The following PCSK6 variants were observed in gnomAD, a reference collection of about 807,000 sequenced individuals.
The protein encoded by PCSK6 is proprotein convertase subtilisin/kexin type 6, also known as paired basic amino acid cleaving enzyme 4.
Under a neutral mutation model 123.3 loss-of-function variants are expected in PCSK6, and 85 were observed. The ratio of observed to expected loss-of-function variants is 0.69; its 90% confidence interval spans 0.58 to 0.83. The LOEUF is 0.83. Ranked by LOEUF, PCSK6 falls within the 40% of genes least tolerant of loss-of-function variation. The pLI is 0.00. For synonymous variants in PCSK6, 508 were observed against 516.0 expected (o/e 0.98, Z 0.21); for missense variants, 1,191 against 1,282.3 (o/e 0.93, Z 1.09).
At chr15:101,359,010 T>G (rs1406073015) in intron 13 of PCSK6, among the ~76,000 whole-genome samples, 1 of 152,062 alleles carries the variant, frequency 6.6e-6, no homozygotes, top group Non-Finnish European at 1.5e-5. Flanking sequence ...TTGGGGAGGA[T>G]GCACAGAGCC....
intron 18 of PCSK6, among the ~76,000 whole-genome samples, chr15:101,319,917 G>T (rs555991522): frequency 2.0e-5 from 3 of 152,128 alleles, no homozygotes; most frequent in African/African-American, 7.2e-5. Context: ...CCAATTAATC[G>T]AACCCAAGGA....
chr15:101,427,849 G>A, intron 6 of PCSK6, 43 bp downstream of exon 6: 4 of 1,472,072 alleles, frequency 2.7e-6, no homozygotes, highest in African/African-American at 1.4e-5. Flanking sequence ...AGCTGCCCCT[G>A]CCCCAGGCCC....
intron 1 of PCSK6, among the ~76,000 whole-genome samples, chr15:101,482,099 C>T (rs185961211): frequency 2.0e-5 from 3 of 152,378 alleles, no homozygotes; most frequent in East Asian, 1.9e-4. Context: ...TGGCAGAAGC[C>T]GAAAGGCTTT....
At chr15:101,335,494 G>T (rs11630012) in intron 13 of PCSK6, among the ~76,000 whole-genome samples, 22,752 of 152,154 alleles carry the variant, frequency 0.15, 2,040 homozygotes, top group Non-Finnish European at 0.19. Context: ...CCCTCCCCAT[G>T]GGCAATGTTG....
At chr15:101,425,129 G>A (rs1033640388) in intron 6 of PCSK6, among the ~76,000 whole-genome samples, 5 of 152,190 alleles carry the variant, frequency 3.3e-5, no homozygotes, top group Admixed American at 1.3e-4. Context: ...GACTACCCGT[G>A]AGAGTGCTGA....
chr15:101,324,777 C>T, intron 17 of PCSK6, 73 bp downstream of exon 17: 1 of 1,291,128 alleles, frequency 7.7e-7, no homozygotes. Context: ...GAAATTCTCC[C>T]TGGAGAGAGG....
chr15:101,409,616 C>A (rs941692991), intron 6 of PCSK6, among the ~76,000 whole-genome samples: 3 of 150,346 alleles, frequency 2.0e-5, no homozygotes, highest in African/African-American at 7.4e-5. Flanking sequence ...GGAAAGTGTA[C>A]CATAATGCAG....
At position 101,398,446 on chromosome 15, in the gene PCSK6, G is replaced by A. The variant is rs199625817; in HGVS notation, c.954C>T (p.Pro318=). 117 of 1,613,352 alleles carry A rather than the reference G, an allele frequency of 7.3e-5. No individual in the cohort carries two copies. In the East Asian group the frequency reaches 1.0e-3, roughly 14 times the overall value. ...CGAAAGCCTGCTTAGCCAGTCGGCC[G>A]GGCCCGTCCACCGTCTTGCCGTCGT... ...PDDDGKTVDG[P]GRLAKQAFEY... Residue 318 remains proline, a synonymous_variant, in exon 7 of 22, where the codon CCC becomes CCT. Transcript: ENST00000611716. This position sits in a 1 kb window ranked among gnomAD's most constrained non-coding sequence, Gnocchi z 4.6.
chr15:101,322,771 C>T (rs2040157635), intron 17 of PCSK6, among the ~76,000 whole-genome samples, 164 bp from the exon 18 acceptor site: 1 of 152,180 alleles, frequency 6.6e-6, no homozygotes, highest in African/African-American at 2.4e-5. Flanking sequence ...CCGCTTGTAC[C>T]TGGTGTGGGG....
At chr15:101,472,207 G>T (rs1366321670) in intron 1 of PCSK6, among the ~76,000 whole-genome samples, 1 of 152,188 alleles carries the variant, frequency 6.6e-6, no homozygotes, top group Non-Finnish European at 1.5e-5. Flanking sequence ...CCCACGGCCA[G>T]GTGGCCTGGC....
intron 1 of PCSK6, among the ~76,000 whole-genome samples, chr15:101,461,709 T>G (rs1465694010): frequency 1.3e-5 from 2 of 152,178 alleles, no homozygotes; most frequent in Non-Finnish European, 2.9e-5. Flanking sequence ...TCAATAACTG[T>G]AATTTTTACA....
intron 6 of PCSK6, among the ~76,000 whole-genome samples, chr15:101,403,041 A>G (rs2042641468): frequency 6.6e-6 from 1 of 152,130 alleles, no homozygotes. Context: ...ACAATGATAG[A>G]CTGGATTAAG....
At chr15:101,457,020 A>G (rs2057202259) in intron 1 of PCSK6, among the ~76,000 whole-genome samples, 1 of 152,158 alleles carries the variant, frequency 6.6e-6, no homozygotes, top group African/African-American at 2.4e-5. Flanking sequence ...AAAAATATAA[A>G]AAATTAGCTG....
intron 2 of PCSK6, among the ~76,000 whole-genome samples, chr15:101,434,624 G>T (rs996746407): frequency 6.6e-6 from 1 of 152,198 alleles, no homozygotes; most frequent in Non-Finnish European, 1.5e-5. Flanking sequence ...TGTCGTGGTC[G>T]CAGGGGCAGC....
intron 1 of PCSK6, among the ~76,000 whole-genome samples, chr15:101,449,736 G>A (rs973270904): frequency 1.7e-4 from 26 of 152,138 alleles, no homozygotes; most frequent in Admixed American, 1.0e-3. Context: ...AATCCTCTGC[G>A]GGAGAAGCTG....
At position 101,306,346 on chromosome 15, in the gene PCSK6, C is replaced by T. The variant is rs115498737; in HGVS notation, c.2812+867G>A. 9.0e-3 allele frequency among the ~76,000 whole-genome samples: 1,375 copies of T among 152,124 alleles called. 28 individuals are homozygous for T. The highest frequency in any genetic ancestry group is 0.031 in the African/African-American group (1,292 of 41,482). On this transcript the variant is annotated intron_variant, in intron 21 of 21. Transcript: ENST00000611716. Reference sequence around the variant, plus strand: ...AAGGGACATAATTAGACAACCCTCCCGCCACCCCCCAAAAATAATAACCAG... The same window carrying T: ...AAGGGACATAATTAGACAACCCTCCTGCCACCCCCCAAAAATAATAACCAG...
intron 15 of PCSK6, among the ~76,000 whole-genome samples, chr15:101,331,115 A>G (rs1186541367): frequency 6.6e-6 from 1 of 152,232 alleles, no homozygotes; most frequent in East Asian, 1.9e-4. Flanking sequence ...CTAACAAACG[A>G]ATAAAAGCCA....
In PCSK6 at chr15:101,340,054, T is replaced by C. The variant is rs566751389; in HGVS notation, c.1859-8023A>G. On this transcript the variant is annotated intron_variant, in intron 13 of 21. Coordinates refer to ENST00000611716, the MANE Select transcript of PCSK6 (RefSeq NM_002570.5). ...ATTAAAATACACTTTAAGTTCACAT[T>C]ATGGCAAGTAAGAGAAAGGTAAAAA... Among the ~76,000 whole-genome samples the C allele has an allele frequency of 4.6e-5, 7 of 152,214 alleles. No homozygotes were observed. In the East Asian group the frequency reaches 1.2e-3, roughly 25 times the overall value.
At chr15:101,331,157 C>G (rs1369268740) in intron 15 of PCSK6, among the ~76,000 whole-genome samples, 1 of 152,208 alleles carries the variant, frequency 6.6e-6, no homozygotes. Flanking sequence ...CTTCTCTGGG[C>G]AGCTGTGGTT....
Sources: gnomAD v4.1 joint callset for allele counts (sites outside exome capture counted in the v4.1 genomes callset) on GRCh38, gnomAD v4.1.1 for gene constraint, Gnocchi (gnomAD v3.1) non-coding constraint, MANE v1.5 for transcripts, NCBI Gene and HGNC (gene_info 2026-07-23, HGNC 2026-07-21) for gene names.